Variants in DNAAF9 observed in about 807,000 individuals in gnomAD.
The protein encoded by DNAAF9 is shulin.
In DNAAF9, 90 loss-of-function variants were observed where a neutral mutation model predicts 167.0. The ratio of observed to expected loss-of-function variants is 0.54; its 90% CI spans 0.45 to 0.64. DNAAF9 has a LOEUF of 0.64. Ranked by LOEUF, DNAAF9 falls within the 30% of genes least tolerant of loss-of-function variation. The probability of loss-of-function intolerance (pLI) is 0.00; values close to 1 mark genes in which losing one functional copy is unlikely to be tolerated. For missense variants in DNAAF9, 1,315 were observed against 1,442.2 expected, an observed-to-expected ratio of 0.91 and a Z score of 1.43; for synonymous variants, 491 against 508.8, an observed-to-expected ratio of 0.96 and a Z score of 0.47.
intron 1 of DNAAF9, among the ~76,000 whole-genome samples, chr20:3,384,737 G>A (rs1243829639): frequency 6.6e-6 from 1 of 151,868 alleles, no homozygotes; most frequent in Non-Finnish European, 1.5e-5. Context: ...TCAGCAACAT[G>A]TAAAACAACT....
At chr20:3,352,232 T>C (rs1218500633) in intron 7 of DNAAF9, among the ~76,000 whole-genome samples, 1 of 152,204 alleles carries the variant, frequency 6.6e-6, no homozygotes, top group Non-Finnish European at 1.5e-5. Flanking sequence ...ACTGGTAATC[T>C]GCAGGGTCCT....
At chr20:3,350,650 T>G (rs2070305017) in intron 7 of DNAAF9, among the ~76,000 whole-genome samples, 1 of 152,078 alleles carries the variant, frequency 6.6e-6, no homozygotes, top group South Asian at 2.1e-4. Flanking sequence ...TGACTGAGAG[T>G]GGGTCTCAGA....
At chr20:3,324,246 T>C (rs1305400733) in intron 14 of DNAAF9, among the ~76,000 whole-genome samples, 3 of 152,350 alleles carry the variant, frequency 2.0e-5, no homozygotes, top group East Asian at 1.9e-4. Context: ...GACATAGACC[T>C]GAGGCATCAC....
chr20:3,307,432 G>A (rs1418429323), intron 20 of DNAAF9, among the ~76,000 whole-genome samples: 2 of 151,994 alleles, frequency 1.3e-5, no homozygotes, highest in Non-Finnish European at 2.9e-5. Context: ...CCTGTGCTCT[G>A]GTCTCAGATC....
intron 20 of DNAAF9, 65 bp from the exon 21 acceptor site, chr20:3,304,608 C>G (rs933473293): frequency 1.3e-6 from 1 of 762,774 alleles, no homozygotes; most frequent in Admixed American, 2.0e-5. Flanking sequence ...TTCCAATGTC[C>G]TCTTGTACAG....
rs1413131272 is a variant in DNAAF9 at position 3,251,868 on chromosome 20, C to G, written c.*704G>C. ...TGTGACAGGAGAGCTAAAGAACCACCCACAAGGGGAAAAGCTGATGTCAAC... is the reference window on the plus strand; with the variant it reads ...TGTGACAGGAGAGCTAAAGAACCACGCACAAGGGGAAAAGCTGATGTCAAC... On this transcript the variant is annotated 3_prime_UTR_variant, in exon 37 of 37. Coordinates refer to ENST00000252032, the MANE Select transcript of DNAAF9 (RefSeq NM_001009984.3). 3 of 152,390 alleles carry G rather than the reference C, an allele frequency of 2.0e-5. No individual in the cohort carries two copies. Among genetic ancestry groups the G allele is most frequent in the Non-Finnish European group, 4.4e-5 (3 of 68,148 alleles). The allele number at this position is 152,390 out of a possible 1,614,324, so 9.4% of individuals were successfully genotyped here.
chr20:3,327,005 C>CGTCTT (rs1292419451), intron 12 of DNAAF9, among the ~76,000 whole-genome samples: 1 of 152,132 alleles, frequency 6.6e-6, no homozygotes, highest in Non-Finnish European at 1.5e-5. Flanking sequence ...AGTTTCATAT[C>CGTCTT]GTCTTTTCAC....
chr20:3,264,915 A>G (rs1171051904), intron 30 of DNAAF9, among the ~76,000 whole-genome samples: 1 of 152,168 alleles, frequency 6.6e-6, no homozygotes, highest in East Asian at 1.9e-4. Flanking sequence ...TGTCCCCTAA[A>G]TACATACAAG....
intron 23 of DNAAF9, chr20:3,295,846 T>A (rs2069065213): frequency 4.2e-6 from 4 of 943,076 alleles, no homozygotes; most frequent in Non-Finnish European, 6.9e-6. Context: ...AAGAGTTTAA[T>A]CCCCAAACGA....
chr20:3,340,709 A>C, intron 9 of DNAAF9, 70 bp from the exon 10 acceptor site: 1 of 1,452,560 alleles, frequency 6.9e-7, no homozygotes. Flanking sequence ...CATGACCTTA[A>C]TAAGTCCTCA....
At chr20:3,407,365 C>G (rs1254449263) in intron 1 of DNAAF9, 110 bp downstream of exon 1, 2 of 925,716 alleles carry the variant, frequency 2.2e-6, no homozygotes, top group Non-Finnish European at 1.4e-6. Context: ...AGCAAAGAAC[C>G]GTCCCGAGGA....
intron 29 of DNAAF9, among the ~76,000 whole-genome samples, chr20:3,274,285 G>T (rs2068642300): frequency 6.6e-6 from 1 of 152,046 alleles, no homozygotes; most frequent in African/African-American, 2.4e-5. Context: ...TGGAATTACA[G>T]GCGCACACCA....
intron 29 of DNAAF9, among the ~76,000 whole-genome samples, chr20:3,276,626 G>T (rs886390961): frequency 6.6e-6 from 1 of 152,158 alleles, no homozygotes; most frequent in Non-Finnish European, 1.5e-5. Flanking sequence ...CTTCCCCAAG[G>T]CTCTCTGCCA....
intron 1 of DNAAF9, among the ~76,000 whole-genome samples, chr20:3,398,936 A>G (rs2083946683): frequency 6.6e-6 from 1 of 152,250 alleles, no homozygotes; most frequent in Non-Finnish European, 1.5e-5. Flanking sequence ...GAAAAAAGCT[A>G]GCCAATGTTC....
intron 28 of DNAAF9, among the ~76,000 whole-genome samples, chr20:3,281,025 T>TA (rs1039056252): frequency 6.6e-6 from 1 of 152,096 alleles, no homozygotes; most frequent in African/African-American, 2.4e-5. Context: ...TACGCCTTAT[T>TA]AAAAAAATTT....
At chr20:3,270,356 C>A in intron 30 of DNAAF9, 71 bp downstream of exon 30, 1 of 1,398,262 alleles carries the variant, frequency 7.2e-7, no homozygotes, top group Non-Finnish European at 1.0e-6. Flanking sequence ...AGTAGAAAGA[C>A]TCTGTGGGCC....
chr20:3,350,138 CAG>C (rs57931632), intron 7 of DNAAF9, among the ~76,000 whole-genome samples: 24,305 of 120,752 alleles, frequency 0.2, 2,260 homozygotes, highest in Non-Finnish European at 0.22. Context: ...CACAGACACA[CAG>C]ACACACAGAC....
intron 9 of DNAAF9, among the ~76,000 whole-genome samples, chr20:3,341,663 C>A (rs1184299488): frequency 6.6e-6 from 1 of 152,214 alleles, no homozygotes; most frequent in Non-Finnish European, 1.5e-5. Context: ...TGGCCACAAC[C>A]TTAGTCCATG....
intron 1 of DNAAF9, among the ~76,000 whole-genome samples, chr20:3,395,413 T>A (rs1373375493): frequency 6.6e-6 from 1 of 152,086 alleles, no homozygotes; most frequent in East Asian, 1.9e-4. Flanking sequence ...CCCGAGTAGC[T>A]GTGATTACAG....
Sources: allele counts gnomAD v4.1 joint callset (sites outside exome capture counted in the v4.1 genomes callset), GRCh38; gene constraint gnomAD v4.1.1; transcripts MANE v1.5; gene names NCBI Gene and HGNC (gene_info 2026-07-23, HGNC 2026-07-21).